CDH23: variants seen among roughly 807,000 people sequenced by gnomAD.
The protein encoded by CDH23 is cadherin-23.
A neutral mutation model predicts 317.1 loss-of-function variants in CDH23; 189 were observed. The observed-to-expected ratio is 0.60, with a 90% CI of 0.53 to 0.67. CDH23 has a LOEUF of 0.67. Ranked by LOEUF, CDH23 falls within the 30% of genes least tolerant of loss-of-function variation. CDH23 has a pLI of 0.00. For synonymous variants in CDH23, 1,839 were observed against 1,876.8 expected (o/e 0.98, Z 0.52); for missense variants, 4,401 against 4,592.4 (o/e 0.96, Z 1.20).
Position 71,512,597 on chromosome 10 carries a change from A to G in CDH23, c.429+1385A>G, listed in dbSNP as rs114665485. Among the ~76,000 whole-genome samples, 1,127 of 152,340 alleles carry G rather than the reference A, an allele frequency of 7.4e-3. 14 individuals are homozygous for G. The highest frequency in any genetic ancestry group is 0.026 in the African/African-American group (1,081 of 41,582). On this transcript the variant is annotated intron_variant, in intron 6 of 69. Transcript: ENST00000224721. ...TTGCTCAGCTGCCATCCTGGCAGGC[A>G]TGGCTGCCCTCTCTTCCCTCTCATG...
chr10:71,718,951 G>C (rs753060402), intron 28 of CDH23, among the ~76,000 whole-genome samples: 2 of 152,024 alleles, frequency 1.3e-5, no homozygotes, highest in Non-Finnish European at 1.5e-5. Flanking sequence ...GGTAGTATGT[G>C]CCTGTGGCCC....
intron 16 of CDH23, 103 bp downstream of exon 16, chr10:71,677,796 C>T (rs538060458): frequency 4.2e-6 from 4 of 956,590 alleles, no homozygotes; most frequent in African/African-American, 3.2e-5. Context: ...AGACAGGTCT[C>T]ACTCTTTCAC....
At chr10:71,667,320 C>A (rs1863942882) in intron 14 of CDH23, among the ~76,000 whole-genome samples, 1 of 141,728 alleles carries the variant, frequency 7.1e-6, no homozygotes, top group Admixed American at 6.9e-5. Context: ...GGGCTGGAGA[C>A]AAGTAGGGGT....
intron 9 of CDH23, among the ~76,000 whole-genome samples, chr10:71,592,145 G>A (rs1051877995): frequency 6.6e-6 from 1 of 152,076 alleles, no homozygotes; most frequent in Non-Finnish European, 1.5e-5. Context: ...TCCTTTCAGG[G>A]CATCTGTGTT....
chr10:71,782,980 G>C (rs956812444), intron 41 of CDH23, among the ~76,000 whole-genome samples: 16 of 152,130 alleles, frequency 1.1e-4, no homozygotes, highest in Non-Finnish European at 2.2e-4. Flanking sequence ...GATGTGAAGA[G>C]ACAGGCAGAG....
At chr10:71,648,521 G>A (rs1863009909) in intron 14 of CDH23, among the ~76,000 whole-genome samples, 1 of 152,166 alleles carries the variant, frequency 6.6e-6, no homozygotes, top group South Asian at 2.1e-4. Flanking sequence ...TCCTCACTTC[G>A]TAGTCCCAAG....
chr10:71,766,867 G>A (rs1840558688), intron 38 of CDH23, among the ~76,000 whole-genome samples: 1 of 152,204 alleles, frequency 6.6e-6, no homozygotes, highest in South Asian at 2.1e-4. Flanking sequence ...AGGCGGGGCT[G>A]ATGCCTCATC....
rs1483511256 is a variant in CDH23, at chr10:71,734,353, C to T, written c.4206+12C>T. 8 of 1,598,156 alleles carry T rather than the reference C, an allele frequency of 5.0e-6. No homozygotes were observed. Among genetic ancestry groups the T allele is most frequent in the Non-Finnish European group, 6.0e-6 (7 of 1,171,722 alleles). On this transcript the variant is annotated intron_variant, in intron 33 of 69. Coordinates refer to ENST00000224721, the MANE Select transcript of CDH23 (RefSeq NM_022124.6). ...TGGACTCCACCGTGGTGAGTGGGAC[C>T]AGGGTGAGAGTCCCTCAGGTGCGGC...
At chr10:71,549,880 G>A (rs1856486785) in intron 6 of CDH23, among the ~76,000 whole-genome samples, 2 of 152,198 alleles carry the variant, frequency 1.3e-5, no homozygotes, top group Non-Finnish European at 2.9e-5. Flanking sequence ...CGGGGTCGGG[G>A]AGGTTCCTTT....
intron 3 of CDH23, among the ~76,000 whole-genome samples, chr10:71,455,044 G>A (rs917786451): frequency 6.6e-6 from 1 of 151,950 alleles, no homozygotes; most frequent in African/African-American, 2.4e-5. Context: ...GTCTTGCTAT[G>A]TTGCCCAGCC....
intron 9 of CDH23, among the ~76,000 whole-genome samples, chr10:71,609,782 A>G (rs1177720158): frequency 6.6e-6 from 1 of 151,898 alleles, no homozygotes; most frequent in East Asian, 1.9e-4. Flanking sequence ...CACCAGCCCC[A>G]TTGTGCTGAC....
chr10:71,532,399 C>G (rs1855424797), intron 6 of CDH23, among the ~76,000 whole-genome samples: 1 of 152,206 alleles, frequency 6.6e-6, no homozygotes, highest in Non-Finnish European at 1.5e-5. Context: ...AGAGTCCAAT[C>G]AGGGTAATGG....
intron 6 of CDH23, among the ~76,000 whole-genome samples, chr10:71,550,255 T>C (rs575534769): frequency 6.6e-6 from 1 of 152,132 alleles, no homozygotes; most frequent in Non-Finnish European, 1.5e-5. Context: ...CTCCCACAGA[T>C]GTTCTGAGGT....
At chr10:71,640,943 A>G (rs1370323209) in intron 11 of CDH23, among the ~76,000 whole-genome samples, 2 of 152,136 alleles carry the variant, frequency 1.3e-5, no homozygotes, top group Non-Finnish European at 2.9e-5. Context: ...CCTTGGATAC[A>G]CTTTGGAATG....
intron 38 of CDH23, chr10:71,755,094 T>C: frequency 1.6e-6 from 1 of 617,536 alleles, no homozygotes; most frequent in South Asian, 1.5e-5. Context: ...CATATGATCA[T>C]TCATTCAGAA....
intron 3 of CDH23, among the ~76,000 whole-genome samples, chr10:71,447,086 G>A (rs369683460): frequency 9.2e-5 from 14 of 152,270 alleles, no homozygotes; most frequent in Middle Eastern, 3.4e-3. Context: ...TGTCATTCTC[G>A]CTGGTGTCAC....
chr10:71,763,006 T>A (rs1353348799), intron 38 of CDH23, among the ~76,000 whole-genome samples: 1 of 152,200 alleles, frequency 6.6e-6, no homozygotes, highest in Non-Finnish European at 1.5e-5. Flanking sequence ...TCTATCTAAC[T>A]GTATGAGCCT....
intron 41 of CDH23, among the ~76,000 whole-genome samples, chr10:71,781,935 G>T (rs117624587): frequency 0.012 from 1,757 of 152,304 alleles, 24 homozygotes; most frequent in Non-Finnish European, 0.018. Context: ...CCACCTCGGG[G>T]TTCATGTTGG....
At chr10:71,454,895 A>C (rs1441911281) in intron 3 of CDH23, among the ~76,000 whole-genome samples, 2 of 148,600 alleles carry the variant, frequency 1.3e-5, no homozygotes, top group Admixed American at 1.3e-4. Flanking sequence ...GCTGGAGTGC[A>C]GTGGCGCAAT....
Sources: gnomAD v4.1 joint callset for allele counts (sites outside exome capture counted in the v4.1 genomes callset) on GRCh38, gnomAD v4.1.1 for gene constraint, MANE v1.5 for transcripts, NCBI Gene and HGNC (gene_info 2026-07-23, HGNC 2026-07-21) for gene names.